Variants in PDE4B observed in about 807,000 individuals in gnomAD.
The protein encoded by PDE4B is 3',5'-cyclic-AMP phosphodiesterase 4B.
PDE4B carries 20 observed loss-of-function variants against 82.2 expected under a neutral mutation model. The ratio of observed to expected loss-of-function variants is 0.24; its 90% confidence interval spans 0.17 to 0.35. The LOEUF is 0.35. Ranked by LOEUF, PDE4B falls within the 10% of genes least tolerant of loss-of-function variation. PDE4B has a pLI of 1.00. For synonymous variants in PDE4B, 320 were observed against 318.9 expected (o/e 1.00, Z -0.04); for missense variants, 655 against 907.2 (o/e 0.72, Z 3.57).
At chr1:66,170,400 A>T (rs1023334825) in intron 3 of PDE4B, among the ~76,000 whole-genome samples, 2 of 152,190 alleles carry the variant, frequency 1.3e-5, no homozygotes, top group Non-Finnish European at 2.9e-5. Context: ...AAATTATAGG[A>T]GTAGCTTGTG....
chr1:65,838,789 G>A (rs1646174392), intron 1 of PDE4B, among the ~76,000 whole-genome samples: 1 of 151,666 alleles, frequency 6.6e-6, no homozygotes, highest in African/African-American at 2.4e-5. Flanking sequence ...AATAAGAAAG[G>A]CAGGAAAAAA....
At chr1:66,109,938 T>C (rs1645446966) in intron 3 of PDE4B, among the ~76,000 whole-genome samples, 1 of 151,960 alleles carries the variant, frequency 6.6e-6, no homozygotes, top group Non-Finnish European at 1.5e-5. Flanking sequence ...CATAGGTGAC[T>C]CAGTTCATTT....
intron 6 of PDE4B, among the ~76,000 whole-genome samples, chr1:66,264,671 A>G (rs1175646347): frequency 6.6e-6 from 1 of 152,230 alleles, no homozygotes; most frequent in African/African-American, 2.4e-5. Context: ...GACTACGGCT[A>G]CTAGGTATGG....
At chr1:66,000,629 A>G (rs897925957) in intron 3 of PDE4B, among the ~76,000 whole-genome samples, 3 of 152,184 alleles carry the variant, frequency 2.0e-5, no homozygotes, top group Admixed American at 6.6e-5. Context: ...AAATAACTCA[A>G]CTTCTCAGGT....
intron 7 of PDE4B, among the ~76,000 whole-genome samples, chr1:66,270,458 C>T (rs1043858042): frequency 2.0e-5 from 3 of 152,100 alleles, no homozygotes; most frequent in Non-Finnish European, 2.9e-5. Context: ...GAGTTATCTT[C>T]GATTTTAAGG....
rs3924050 is a variant in PDE4B, at chr1:65,871,056, A to G, written c.-70-42189A>G. Among the ~76,000 whole-genome samples the G allele has an allele frequency of 5.9e-5, 9 of 152,310 alleles. No homozygotes were observed. In the East Asian group the frequency reaches 1.7e-3, roughly 29 times the overall value. On this transcript the variant is annotated intron_variant, in intron 1 of 16. Coordinates refer to ENST00000341517, the MANE Select transcript of PDE4B (RefSeq NM_002600.4). ...AATCTTGGGCAGAATATTTAGATCC[A>G]GGGACAGGGGATGATGACAGGGACC...
chr1:66,245,958 G>A (rs1326299454), intron 3 of PDE4B, among the ~76,000 whole-genome samples: 2 of 152,174 alleles, frequency 1.3e-5, no homozygotes, highest in African/African-American at 4.8e-5. Flanking sequence ...TCATTCAAGA[G>A]AGCAGCCAAG....
At chr1:66,128,605 C>T (rs1226668311) in intron 3 of PDE4B, among the ~76,000 whole-genome samples, 2 of 151,938 alleles carry the variant, frequency 1.3e-5, no homozygotes, top group African/African-American at 4.9e-5. Flanking sequence ...ACTTCTTCTT[C>T]TTAAGAAAAT....
chr1:66,136,896 C>T (rs1389743654), intron 3 of PDE4B, among the ~76,000 whole-genome samples: 1 of 151,662 alleles, frequency 6.6e-6, no homozygotes, highest in African/African-American at 2.4e-5. Flanking sequence ...GTAAAGAGGT[C>T]TAAGAAGGAG....
At chr1:66,151,948 C>T (rs1418991498) in intron 3 of PDE4B, among the ~76,000 whole-genome samples, 1 of 152,174 alleles carries the variant, frequency 6.6e-6, no homozygotes, top group Non-Finnish European at 1.5e-5. Context: ...CACTGAGAAA[C>T]ACTCATTGAA....
At chr1:65,803,827 G>C (rs369194862) in intron 1 of PDE4B, among the ~76,000 whole-genome samples, 6 of 152,266 alleles carry the variant, frequency 3.9e-5, no homozygotes, top group African/African-American at 1.2e-4. Flanking sequence ...TCAGCCCTTT[G>C]GACGCCAGCT....
intron 3 of PDE4B, among the ~76,000 whole-genome samples, chr1:66,047,289 T>C (rs1405726702): frequency 6.6e-6 from 1 of 151,878 alleles, no homozygotes; most frequent in African/African-American, 2.4e-5. Flanking sequence ...TCTTCATCTG[T>C]TAAATAGGGA....
intron 3 of PDE4B, among the ~76,000 whole-genome samples, chr1:66,188,086 T>C (rs1647344943): frequency 6.6e-6 from 1 of 151,006 alleles, no homozygotes. Context: ...CTTCATTTTG[T>C]TATGTACCCA....
intron 3 of PDE4B, among the ~76,000 whole-genome samples, chr1:66,159,320 G>T (rs1215781803): frequency 1.3e-5 from 2 of 150,522 alleles, no homozygotes; most frequent in Non-Finnish European, 2.9e-5. Context: ...TTGGCTCACT[G>T]CTTTGCCTCC....
chr1:66,366,332 A>G (rs1570787987), intron 13 of PDE4B, among the ~76,000 whole-genome samples: 1 of 152,168 alleles, frequency 6.6e-6, no homozygotes, highest in Non-Finnish European at 1.5e-5. Context: ...GACCTGAGTG[A>G]CCAGGGGTGG....
intron 1 of PDE4B, among the ~76,000 whole-genome samples, chr1:65,801,820 T>C (rs1645697605): frequency 2.0e-5 from 3 of 152,220 alleles, no homozygotes. Context: ...TGGGTTTCCC[T>C]CTTTACTATT....
chr1:65,935,603 T>C (rs1196210856), intron 3 of PDE4B, among the ~76,000 whole-genome samples: 1 of 152,206 alleles, frequency 6.6e-6, no homozygotes, highest in Non-Finnish European at 1.5e-5. Context: ...TATAAAATTC[T>C]TAATTAAAAA....
At chr1:66,110,421 G>C (rs1645459677) in intron 3 of PDE4B, among the ~76,000 whole-genome samples, 1 of 151,962 alleles carries the variant, frequency 6.6e-6, no homozygotes, top group Non-Finnish European at 1.5e-5. Context: ...AAAGGTCAAT[G>C]AATGAACAGA....
intron 1 of PDE4B, among the ~76,000 whole-genome samples, chr1:65,830,298 A>C (rs1047968235): frequency 1.3e-5 from 2 of 152,222 alleles, no homozygotes; most frequent in Admixed American, 6.5e-5. Context: ...GAAATATTAC[A>C]TAATCTATGA....
Sources: allele counts gnomAD v4.1 joint callset (sites outside exome capture counted in the v4.1 genomes callset), GRCh38; gene constraint gnomAD v4.1.1; transcripts MANE v1.5; gene names NCBI Gene and HGNC (gene_info 2026-07-23, HGNC 2026-07-21).